Variants in NALF1 observed in about 807,000 individuals in gnomAD.
NALF1 encodes the protein family with sequence similarity 155 member A.
In NALF1, 3 loss-of-function variants were observed where a neutral mutation model predicts 48.4. That is an observed-to-expected ratio of 0.06 (90% CI 0.03 to 0.16). The LOEUF (loss-of-function observed/expected upper bound fraction) is 0.16, where lower values mean the gene tolerates loss of function less well. Ranked by LOEUF, NALF1 falls within the 10% of genes least tolerant of loss-of-function variation. The probability of loss-of-function intolerance (pLI) is 1.00; values close to 1 mark genes in which losing one functional copy is unlikely to be tolerated. For synonymous variants in NALF1, 262 were observed against 245.7 expected, an observed-to-expected ratio of 1.07 and a Z score of -0.62; for missense variants, 526 against 571.5, an observed-to-expected ratio of 0.92 and a Z score of 0.81.
At chr13:107,459,146 G>A (rs1884875303) in intron 1 of NALF1, among the ~76,000 whole-genome samples, 1 of 151,912 alleles carries the variant, frequency 6.6e-6, no homozygotes, top group Admixed American at 6.6e-5. Context: ...GAAAGTATTT[G>A]AAAATATACC....
chr13:107,543,571 A>G (rs1172118456), intron 1 of NALF1, among the ~76,000 whole-genome samples: 1 of 152,112 alleles, frequency 6.6e-6, no homozygotes, highest in Admixed American at 6.6e-5. Context: ...AGTAAGAAGT[A>G]TTCTGTCAAT....
chr13:107,578,920 A>C (rs894782866), intron 1 of NALF1, among the ~76,000 whole-genome samples: 18 of 152,106 alleles, frequency 1.2e-4, no homozygotes, highest in Non-Finnish European at 2.5e-4. Context: ...TGGATTTTGC[A>C]CTTCTCCCAT....
At chr13:107,693,547 C>T (rs1881622858) in intron 1 of NALF1, among the ~76,000 whole-genome samples, 1 of 149,970 alleles carries the variant, frequency 6.7e-6, no homozygotes, top group South Asian at 2.1e-4. Context: ...CACAGGTGCA[C>T]GGAATCTCTG....
chr13:107,454,420 C>T (rs772572422), intron 1 of NALF1, among the ~76,000 whole-genome samples: 13 of 152,216 alleles, frequency 8.5e-5, no homozygotes, highest in East Asian at 5.8e-4. Flanking sequence ...TAGAAGGAGA[C>T]GTGCCCAACA....
At chr13:107,783,210 C>A (rs1877966953) in intron 1 of NALF1, among the ~76,000 whole-genome samples, 1 of 132,704 alleles carries the variant, frequency 7.5e-6, no homozygotes, top group African/African-American at 2.8e-5. Flanking sequence ...GTCCCCCGCC[C>A]GGCCAGCCGC....
chr13:107,205,930 G>T (rs1401238607), intron 2 of NALF1, among the ~76,000 whole-genome samples: 1 of 151,968 alleles, frequency 6.6e-6, no homozygotes. Flanking sequence ...AGGGAGTGTG[G>T]AGAGGGAAGC....
At chr13:107,781,932 T>C (rs1877899533) in intron 1 of NALF1, among the ~76,000 whole-genome samples, 1 of 152,210 alleles carries the variant, frequency 6.6e-6, no homozygotes, top group Non-Finnish European at 1.5e-5. Context: ...ATTGTTTTGT[T>C]TTATGTTTTG....
At chr13:107,490,473 A>G (rs1169967031) in intron 1 of NALF1, among the ~76,000 whole-genome samples, 1 of 152,220 alleles carries the variant, frequency 6.6e-6, no homozygotes, top group Non-Finnish European at 1.5e-5. Context: ...AGAATACGAA[A>G]TACTGCATGT....
chr13:107,476,937 T>G (rs1594084007), intron 1 of NALF1, among the ~76,000 whole-genome samples: 1 of 151,806 alleles, frequency 6.6e-6, no homozygotes, highest in Admixed American at 6.6e-5. Context: ...TGGACAATAT[T>G]TTTTTAGAAT....
At chr13:107,283,158 G>A (rs1012683099) in intron 1 of NALF1, among the ~76,000 whole-genome samples, 2 of 152,166 alleles carry the variant, frequency 1.3e-5, no homozygotes, top group Admixed American at 6.5e-5. Context: ...TGGCCTAAAA[G>A]TGAATTGTCT....
chr13:107,386,247 T>G (rs1255900965), intron 1 of NALF1, among the ~76,000 whole-genome samples: 1 of 152,244 alleles, frequency 6.6e-6, no homozygotes. Flanking sequence ...TACATTAACA[T>G]AATTTCTAGA....
intron 1 of NALF1, among the ~76,000 whole-genome samples, chr13:107,786,706 T>C (rs1285397472): frequency 6.6e-6 from 1 of 151,794 alleles, no homozygotes; most frequent in East Asian, 1.9e-4. Context: ...CACTCCAGCC[T>C]GGGCAACAAG....
At chr13:107,222,097 C>T (rs1880006804) in intron 1 of NALF1, among the ~76,000 whole-genome samples, 1 of 152,124 alleles carries the variant, frequency 6.6e-6, no homozygotes, top group Non-Finnish European at 1.5e-5. Context: ...GCTTGAAACC[C>T]TGCAAATTGG....
intron 1 of NALF1, among the ~76,000 whole-genome samples, chr13:107,510,000 G>C (rs1875832821): frequency 6.6e-6 from 1 of 152,020 alleles, no homozygotes; most frequent in Non-Finnish European, 1.5e-5. Flanking sequence ...TAGAGATGGA[G>C]AGGTTGCTAT....
chr13:107,748,144 C>T (rs990024969), intron 1 of NALF1, among the ~76,000 whole-genome samples: 25 of 152,104 alleles, frequency 1.6e-4, no homozygotes, highest in Non-Finnish European at 2.9e-5. Flanking sequence ...ATGTTATATG[C>T]TAAATCACTC....
At chr13:107,513,604 G>A (rs372337682) in intron 1 of NALF1, among the ~76,000 whole-genome samples, 1 of 152,102 alleles carries the variant, frequency 6.6e-6, no homozygotes, top group Admixed American at 6.6e-5. Context: ...GAAAGCACAA[G>A]TATTGCCTCA....
At chr13:107,761,998 G>A (rs539175860) in intron 1 of NALF1, among the ~76,000 whole-genome samples, 1 of 152,248 alleles carries the variant, frequency 6.6e-6, no homozygotes, top group South Asian at 2.1e-4. Flanking sequence ...TGCTATTATT[G>A]CTGTAATAAA....
At chr13:107,243,930 C>T (rs957267440) in intron 1 of NALF1, among the ~76,000 whole-genome samples, 2 of 152,114 alleles carry the variant, frequency 1.3e-5, no homozygotes, top group Admixed American at 1.3e-4. Context: ...ACCTCCTACC[C>T]TAATTAATTG....
chr13:107,375,579 G>GA (rs898832561), intron 1 of NALF1, among the ~76,000 whole-genome samples: 43 of 147,884 alleles, frequency 2.9e-4, no homozygotes, highest in Middle Eastern at 3.5e-3. Flanking sequence ...TCCATCAATT[G>GA]AAAAAAAAAT....
Sources: gnomAD v4.1 joint callset for allele counts (sites outside exome capture counted in the v4.1 genomes callset) on GRCh38, gnomAD v4.1.1 for gene constraint, MANE v1.5 for transcripts, NCBI Gene and HGNC (gene_info 2026-07-23, HGNC 2026-07-21) for gene names.